Variants in EPHA5 observed in about 807,000 individuals in gnomAD.
EPHA5 encodes EPH receptor A5, also known as ephrin type-A receptor 5.
EPHA5 carries 60 observed loss-of-function variants against 105.0 expected under a neutral mutation model. The ratio of observed to expected loss-of-function variants is 0.57; its 90% CI spans 0.46 to 0.71. The LOEUF is 0.71. EPHA5 is among the 30% of genes least tolerant of loss of function. The pLI, the probability that EPHA5 is intolerant of heterozygous loss-of-function variation, is 0.00. For missense variants in EPHA5, 1,218 were observed against 1,274.7 expected, an observed-to-expected ratio of 0.96 and a Z score of 0.68; for synonymous variants, 513 against 449.1, an observed-to-expected ratio of 1.14 and a Z score of -1.80.
chr4:65,369,002 C>G (rs1005970612), intron 8 of EPHA5, among the ~76,000 whole-genome samples: 1 of 152,104 alleles, frequency 6.6e-6, no homozygotes, highest in South Asian at 2.1e-4. Flanking sequence ...CTTTCTGCAT[C>G]CCCTCATGTG....
chr4:65,564,201 C>T (rs1739301312), intron 3 of EPHA5, among the ~76,000 whole-genome samples: 2 of 151,844 alleles, frequency 1.3e-5, no homozygotes, highest in Admixed American at 6.6e-5. Flanking sequence ...ATTGAAGGTG[C>T]TCCCAGGAAT....
intron 3 of EPHA5, among the ~76,000 whole-genome samples, chr4:65,551,176 G>T (rs557181275): frequency 5.4e-5 from 3 of 55,428 alleles, no homozygotes; most frequent in East Asian, 3.1e-4. Flanking sequence ...AACATAAGTA[G>T]GTTTGGATAA....
intron 3 of EPHA5, among the ~76,000 whole-genome samples, chr4:65,515,849 G>A (rs935853449): frequency 2.6e-5 from 4 of 152,078 alleles, no homozygotes; most frequent in East Asian, 1.9e-4. Flanking sequence ...GTGGCTAGAC[G>A]TCATCCAGTC....
At chr4:65,661,748 C>T (rs1749577395) in intron 1 of EPHA5, among the ~76,000 whole-genome samples, 1 of 152,082 alleles carries the variant, frequency 6.6e-6, no homozygotes, top group Middle Eastern at 3.2e-3. Context: ...TGAACTGGTG[C>T]CAGCCGGATC....
intron 5 of EPHA5, among the ~76,000 whole-genome samples, chr4:65,429,091 G>A (rs1724732177): frequency 6.6e-6 from 1 of 151,876 alleles, no homozygotes; most frequent in African/African-American, 2.4e-5. Context: ...AGTCCTAAGT[G>A]TCAATGATTA....
intron 2 of EPHA5, among the ~76,000 whole-genome samples, chr4:65,611,992 G>A (rs1352420656): frequency 7.5e-6 from 1 of 133,770 alleles, no homozygotes; most frequent in Non-Finnish European, 1.5e-5. Flanking sequence ...ACTCCAGCCT[G>A]GGCGATAGAG....
chr4:65,483,678 G>A (rs1452372378), intron 5 of EPHA5, among the ~76,000 whole-genome samples: 1 of 152,172 alleles, frequency 6.6e-6, no homozygotes, highest in African/African-American at 2.4e-5. Flanking sequence ...GTCACGTGAT[G>A]AATGAGATTT....
intron 8 of EPHA5, among the ~76,000 whole-genome samples, chr4:65,398,807 T>C (rs557679301): frequency 2.0e-5 from 3 of 152,200 alleles, no homozygotes; most frequent in African/African-American, 2.4e-5. Context: ...AGAGCTGCAC[T>C]CACTGGGATG....
intron 5 of EPHA5, among the ~76,000 whole-genome samples, chr4:65,448,963 C>T (rs1245466472): frequency 6.6e-6 from 1 of 152,170 alleles, no homozygotes; most frequent in East Asian, 1.9e-4. Flanking sequence ...CTTTATATCA[C>T]ACTCCAAGAA....
intron 5 of EPHA5, among the ~76,000 whole-genome samples, chr4:65,428,377 G>A (rs1724653396): frequency 6.6e-6 from 1 of 151,976 alleles, no homozygotes; most frequent in Non-Finnish European, 1.5e-5. Flanking sequence ...GTTGGGCCAG[G>A]AAAAGTAACT....
intron 5 of EPHA5, among the ~76,000 whole-genome samples, chr4:65,421,754 T>C (rs1246049819): frequency 6.6e-6 from 1 of 152,108 alleles, no homozygotes; most frequent in African/African-American, 2.4e-5. Context: ...ATTGATTTGG[T>C]TTAGTTCACT....
At chr4:65,395,571 C>CT (rs1454332365) in intron 8 of EPHA5, among the ~76,000 whole-genome samples, 1 of 152,120 alleles carries the variant, frequency 6.6e-6, no homozygotes, top group East Asian at 1.9e-4. Flanking sequence ...ATTATGATAG[C>CT]CTCTGTTATA....
intron 16 of EPHA5, chr4:65,330,793 T>C (rs1036586179): frequency 1.9e-6 from 2 of 1,027,454 alleles, no homozygotes; most frequent in African/African-American, 1.7e-5. Context: ...AAAGAAATAA[T>C]GGACAAAGCA....
At chr4:65,567,134 CTTT>C (rs1357474982) in intron 3 of EPHA5, among the ~76,000 whole-genome samples, 1 of 151,588 alleles carries the variant, frequency 6.6e-6, no homozygotes, top group Non-Finnish European at 1.5e-5. Flanking sequence ...AAAAAACAAT[CTTT>C]AAGTTCATAG....
At chr4:65,374,608 C>T (rs1370845629) in intron 8 of EPHA5, among the ~76,000 whole-genome samples, 1 of 151,842 alleles carries the variant, frequency 6.6e-6, no homozygotes, top group Non-Finnish European at 1.5e-5. Flanking sequence ...TAAATTTCCA[C>T]AAGTTATCTC....
intron 9 of EPHA5, 127 bp downstream of exon 9, chr4:65,367,230 C>T: frequency 1.3e-6 from 1 of 771,194 alleles, no homozygotes; most frequent in Non-Finnish European, 2.0e-6. Context: ...ACAAATAGAA[C>T]ACTTTTAAAA....
intron 5 of EPHA5, among the ~76,000 whole-genome samples, chr4:65,458,961 C>T (rs998931029): frequency 6.6e-6 from 1 of 151,902 alleles, no homozygotes; most frequent in Non-Finnish European, 1.5e-5. Flanking sequence ...ATTTTAAGTG[C>T]TTAGTCACAC....
chr4:65,513,472 C>T (rs928189306), intron 3 of EPHA5, among the ~76,000 whole-genome samples: 7 of 151,958 alleles, frequency 4.6e-5, no homozygotes, highest in African/African-American at 1.7e-4. Flanking sequence ...CTTCAACCTC[C>T]GTCGCCCAGG....
chr4:65,564,987 A>C (rs1739382035), intron 3 of EPHA5, among the ~76,000 whole-genome samples: 1 of 151,690 alleles, frequency 6.6e-6, no homozygotes, highest in Admixed American at 6.6e-5. Context: ...ATTTCCACTT[A>C]TTCATTACAT....
Sources: gnomAD v4.1 joint callset for allele counts (sites outside exome capture counted in the v4.1 genomes callset) on GRCh38, gnomAD v4.1.1 for gene constraint, MANE v1.5 for transcripts, NCBI Gene and HGNC (gene_info 2026-07-23, HGNC 2026-07-21) for gene names.